NOTCH4: variants seen among roughly 807,000 people sequenced by gnomAD.
NOTCH4 encodes the protein neurogenic locus notch homolog protein 4.
NOTCH4 carries 138 observed loss-of-function variants against 189.0 expected under a neutral mutation model. That is an observed-to-expected ratio of 0.73 (90% CI 0.64 to 0.84). The LOEUF (loss-of-function observed/expected upper bound fraction) is 0.84, where lower values mean the gene tolerates loss of function less well. NOTCH4 is among the 40% of genes least tolerant of loss of function. The pLI is 0.00. For missense variants in NOTCH4, 2,286 were observed against 2,605.4 expected (o/e 0.88, Z 2.67); for synonymous variants, 942 against 1,032.8 (o/e 0.91, Z 1.69).
Position 32,210,091 on chromosome 6 carries a change from C to G in NOTCH4, c.2865+661G>C, listed in dbSNP as rs1473007814. Among the ~76,000 whole-genome samples, 1 of 152,126 alleles carries G rather than the reference C, an allele frequency of 6.6e-6. No individual in the cohort carries two copies. The highest frequency in any genetic ancestry group is 1.5e-5 in the Non-Finnish European group (1 of 68,030). On this transcript the variant is annotated intron_variant, in intron 18 of 29. Coordinates refer to ENST00000375023, the MANE Select transcript of NOTCH4 (RefSeq NM_004557.4). The surrounding 1 kb of genome is among the most constrained non-coding windows in gnomAD (Gnocchi z 4.8). ...AGTGACCTGGACCACAAAGAAGAGG[C>G]CCTAATCCAGCCTGGGGAGAAGTTA...
In NOTCH4 at chr6:32,195,356, C is replaced by G. The variant is rs933402448; in HGVS notation, c.*81G>C. 1 of 1,330,946 alleles carries G rather than the reference C, an allele frequency of 7.5e-7. No individual in the cohort carries two copies. The highest frequency in any genetic ancestry group is 1.5e-5 in the African/African-American group (1 of 68,020). The allele number at this position is 1,330,946 out of a possible 1,614,324, so 82.4% of individuals were successfully genotyped here. On this transcript the variant is annotated 3_prime_UTR_variant, in exon 30 of 30. Transcript: ENST00000375023. This position sits in a 1 kb window ranked among gnomAD's most constrained non-coding sequence, Gnocchi z 5.4. ...CTCACAACCCTTCATTTTGGGGGAT[C>G]CATCTTAAAACCAGGAAGGCCTTCC...
chr6:32,213,160 T>G lies in NOTCH4; in HGVS notation c.2413A>C (p.Lys805Gln). The change falls in exon 15 of 30, where the codon AAG (lysine) becomes CAG (glutamine). Residue 805 changes from lysine (K) to glutamine (Q), a missense_variant. Physicochemically the swap from Lys to Gln is moderately conservative, Grantham distance 53. Transcript: ENST00000375023. ...MGFQGPRCEG[K>Q]LRPSCADSPC... ...CTGTCTGCACAGCTGGGGCGGAGCT[T>G]TCCCTCACAGCGCGGGCCCTGGAAG... 6.2e-7 allele frequency: 1 copy of G among 1,613,870 alleles called. No homozygotes were observed. Among genetic ancestry groups the G allele is most frequent in the Non-Finnish European group, 8.5e-7 (1 of 1,179,848 alleles).
In NOTCH4 at chr6:32,195,217, G is replaced by A. The variant is rs1582758743; in HGVS notation, c.*220C>T. On this transcript the variant is annotated 3_prime_UTR_variant, in exon 30 of 30. Transcript: ENST00000375023. The surrounding 1 kb of genome is among the most constrained non-coding windows in gnomAD (Gnocchi z 5.4). ...GTGGCCTGTCTTATTTTCTGGAGGA[G>A]GACTGGGCCTGCCTCATCCTAGCAT... 1 of 559,766 alleles carries A rather than the reference G, an allele frequency of 1.8e-6. No individual in the cohort carries two copies. Among genetic ancestry groups the A allele is most frequent in the East Asian group, 3.0e-5 (1 of 33,196 alleles). The allele number at this position is 559,766 out of a possible 1,614,324, so 34.7% of individuals were successfully genotyped here.
In NOTCH4 at chr6:32,213,025, C is replaced by T. The variant is rs111391351; in HGVS notation, c.2438+110G>A. 46 of 1,244,584 alleles carry T rather than the reference C, an allele frequency of 3.7e-5. 1 individual carries two copies. Among genetic ancestry groups the T allele is most frequent in the African/African-American group, 2.1e-4 (14 of 67,462 alleles). 77.1% of individuals were successfully genotyped at this position (1,244,584 alleles called of 1,614,324 possible). A position where few individuals can be genotyped will look rare whatever the true frequency, so the allele number is the denominator to read the frequency against. ...GGAGGTGGCAAGCCAGGAGGGAAGG[C>T]GGAACGAGGTGTGGGGTGGGAGGCA... On this transcript the variant is annotated intron_variant, in intron 15 of 29. Coordinates refer to ENST00000375023, the MANE Select transcript of NOTCH4 (RefSeq NM_004557.4).
intron 2 of NOTCH4, 38 bp downstream of exon 2, chr6:32,222,967 T>A: frequency 6.4e-7 from 1 of 1,573,174 alleles, no homozygotes; most frequent in African/African-American, 1.4e-5. Context: ...TCCCTCCCCC[T>A]TTCTCTCCAG....
rs1215263654 is a variant in NOTCH4 at position 32,198,919 on chromosome 6, T to C, written c.4535+7A>G. 6.5e-7 allele frequency: 1 copy of C among 1,546,318 alleles called. No homozygotes were observed. Among genetic ancestry groups the C allele is most frequent in the Non-Finnish European group, 8.7e-7 (1 of 1,147,218 alleles). ...CTTCCTGAGCCTGGGTTTCTCCTCA[T>C]TCTCACTTGAGACCAATGCTGTCCT... On this transcript the variant is annotated splice_region_variant and intron_variant, in intron 24 of 29. Transcript: ENST00000375023. This position sits in a 1 kb window ranked among gnomAD's most constrained non-coding sequence, Gnocchi z 5.5.
rs1302707812 is a variant in NOTCH4, at chr6:32,199,174, A to T, written c.4316-29T>A. On this transcript the variant is annotated intron_variant, in intron 23 of 29. Coordinates refer to ENST00000375023, the MANE Select transcript of NOTCH4 (RefSeq NM_004557.4). The surrounding 1 kb of genome is among the most constrained non-coding windows in gnomAD (Gnocchi z 4.9). ...GTGGGAGAGACAGAGTCACAAAGAG[A>T]GGCCACTCCTGGTGAGACTGATTAC... 1 of 1,511,430 alleles carries T rather than the reference A, an allele frequency of 6.6e-7. No individual in the cohort carries two copies. The highest frequency in any genetic ancestry group is 8.9e-7 in the Non-Finnish European group (1 of 1,119,494). 93.6% of individuals were successfully genotyped at this position (1,511,430 alleles called of 1,614,324 possible). A position where few individuals can be genotyped will look rare whatever the true frequency, so the allele number is the denominator to read the frequency against.
Position 32,197,664 on chromosome 6 carries a change from CAGAG to C in NOTCH4, c.4757-74_4757-71del, listed in dbSNP as rs1468142097. ...AGGGGGAAGGGACAACATGTAAGCT[CAGAG>C]AGAATCAAAACCTGAGGTGTTGGGA... On this transcript the variant is annotated intron_variant, in intron 26 of 29. Transcript: ENST00000375023. The C allele has an allele frequency of 2.2e-6, 3 of 1,386,766 alleles. No individual in the cohort carries two copies. The East Asian group carries it at 7.5e-5, about 35-fold the overall frequency. The allele number at this position is 1,386,766 out of a possible 1,614,324, so 85.9% of individuals were successfully genotyped here.
chr6:32,200,710 G>A lies in NOTCH4; in HGVS notation c.4315+121C>T. ...GAGAAAGCGGGGTTAGGGAAAGTAA[G>A]TCCCCACAAAGAACATTTTCAGTCT... On this transcript the variant is annotated intron_variant, in intron 23 of 29. Coordinates refer to ENST00000375023, the MANE Select transcript of NOTCH4 (RefSeq NM_004557.4). This position sits in a 1 kb window ranked among gnomAD's most constrained non-coding sequence, Gnocchi z 5.0. 1 of 808,570 alleles carries A rather than the reference G, an allele frequency of 1.2e-6. No homozygotes were observed. Among genetic ancestry groups the A allele is most frequent in the Non-Finnish European group, 1.9e-6 (1 of 535,402 alleles). 50.1% of individuals were successfully genotyped at this position (808,570 alleles called of 1,614,324 possible).
chr6:32,197,202 C>T (rs980119333), intron 27 of NOTCH4, 97 bp downstream of exon 27: 15 of 1,514,294 alleles, frequency 9.9e-6, no homozygotes, highest in Non-Finnish European at 1.3e-5. Flanking sequence ...TTCCCAATCA[C>T]ACCAATTTCC....
chr6:32,220,262 G>A lies in NOTCH4; in HGVS notation c.1182C>T (p.Asp394=). 1 of 1,613,476 alleles carries A rather than the reference G, an allele frequency of 6.2e-7. No individual in the cohort carries two copies. Among genetic ancestry groups the A allele is most frequent in the Non-Finnish European group, 8.5e-7 (1 of 1,179,702 alleles). Residue 394 remains aspartate, a synonymous_variant, in exon 7 of 30, where the codon GAC becomes GAT. Coordinates refer to ENST00000375023, the MANE Select transcript of NOTCH4 (RefSeq NM_004557.4). ...GRTGLLCHLE[D]MCLSQPCHGD... ...CATGGCACGGCTGGCTCAGACACAT[G>A]TCTTCCAAGTGGCACAGGAGTCCTG...
chr6:32,214,482 T>TAC (rs1192999907), intron 12 of NOTCH4, among the ~76,000 whole-genome samples: 28 of 122,420 alleles, frequency 2.3e-4, no homozygotes, highest in Middle Eastern at 4.0e-3. Flanking sequence ...TATATATATA[T>TAC]ATACACACAT....
In NOTCH4 at chr6:32,196,321, A is replaced by G; in HGVS notation, c.5298+3T>C. 2 of 1,613,080 alleles carry G rather than the reference A, an allele frequency of 1.2e-6. No individual in the cohort carries two copies. Among genetic ancestry groups the G allele is most frequent in the Non-Finnish European group, 1.7e-6 (2 of 1,180,020 alleles). On this transcript the variant is annotated splice_donor_region_variant and intron_variant, in intron 29 of 29. Coordinates refer to ENST00000375023, the MANE Select transcript of NOTCH4 (RefSeq NM_004557.4). ...TTGTGGGAAGCCCTCTGTCCCATCT[A>G]ACCCTGTTGTCCTGGGCATCTTTAT...
intron 17 of NOTCH4, among the ~76,000 whole-genome samples, chr6:32,211,853 C>A (rs552966322): frequency 6.6e-6 from 1 of 152,236 alleles, no homozygotes; most frequent in South Asian, 2.1e-4. Context: ...TAAAGCTTAT[C>A]ATAATGTTAA....
At position 32,210,729 on chromosome 6, in the gene NOTCH4, C is replaced by G. The variant is rs913845175; in HGVS notation, c.2865+23G>C. On this transcript the variant is annotated intron_variant, in intron 18 of 29. Transcript: ENST00000375023. This position sits in a 1 kb window ranked among gnomAD's most constrained non-coding sequence, Gnocchi z 4.8. Reference sequence around the variant, plus strand: ...CCAGCCCACCCTTGTCTTTCCTCCCCCTTCTCCTGCAGACCCTCTCACCTG... The same window carrying G: ...CCAGCCCACCCTTGTCTTTCCTCCCGCTTCTCCTGCAGACCCTCTCACCTG... 46 of 1,610,292 alleles carry G rather than the reference C, an allele frequency of 2.9e-5. No individual in the cohort carries two copies. The highest frequency in any genetic ancestry group is 3.8e-5 in the Non-Finnish European group (45 of 1,178,970).
At chr6:32,204,715 A>G (rs937684219) in intron 18 of NOTCH4, among the ~76,000 whole-genome samples, 1 of 152,212 alleles carries the variant, frequency 6.6e-6, no homozygotes, top group Admixed American at 6.5e-5. Flanking sequence ...ATTCATAAGC[A>G]TCTATTGAGT....
Position 32,214,121 on chromosome 6 carries a change from G to C in NOTCH4, c.2156C>G (p.Thr719Arg). The change falls in exon 13 of 30, where the codon ACA (threonine) becomes AGA (arginine). Residue 719 changes from threonine to arginine, a missense_variant. Coordinates refer to ENST00000375023, the MANE Select transcript of NOTCH4 (RefSeq NM_004557.4). ...QPSGYNCTCP[T>R]GYTGPTCSEE... is the part of the protein sequence containing the mutation. ...AGGGAGGGTCTCACCTGTGTAGCCT[G>C]TAGGGCAGGTGCAGTTGTAGCCAGA... 1.2e-6 allele frequency: 2 copies of C among 1,612,662 alleles called. No homozygotes were observed. Among genetic ancestry groups the C allele is most frequent in the Non-Finnish European group, 1.7e-6 (2 of 1,179,406 alleles).
rs1391689779 is a variant in NOTCH4, at chr6:32,199,094, C to G, written c.4367G>C (p.Gly1456Ala). The G allele has an allele frequency of 1.9e-6, 3 of 1,612,114 alleles. No individual in the cohort carries two copies. The African/African-American group carries it at 4.0e-5, about 22-fold the overall frequency. The change falls in exon 24 of 30, where the codon GGG becomes GCG. Residue 1456 changes from glycine (G) to alanine (A), a missense_variant. Transcript: ENST00000375023. This position sits in a 1 kb window ranked among gnomAD's most constrained non-coding sequence, Gnocchi z 4.9. ...AGCCCCTAGGGCCAGGAGAATCACC[C>G]CGGCCACTGGGGAGCACAGCACAGG... ...PWPVLCSPVA[G>A]VILLALGALL...
chr6:32,209,506 C>A (rs553794569), intron 18 of NOTCH4, among the ~76,000 whole-genome samples: 1 of 152,264 alleles, frequency 6.6e-6, no homozygotes, highest in Non-Finnish European at 1.5e-5. Context: ...TTGAAATGTT[C>A]TCAACACAAA....
Sources: gnomAD v4.1 joint callset for allele counts (sites outside exome capture counted in the v4.1 genomes callset) on GRCh38, gnomAD v4.1.1 for gene constraint, Gnocchi (gnomAD v3.1) non-coding constraint, MANE v1.5 for transcripts, NCBI Gene and HGNC (gene_info 2026-07-23, HGNC 2026-07-21) for gene names.